TSPAN2: variants seen among roughly 807,000 people sequenced by gnomAD.
The protein encoded by TSPAN2 is tetraspanin-2.
TSPAN2 carries 24 observed loss-of-function variants against 33.3 expected under a neutral mutation model. That is an observed-to-expected ratio of 0.72 (90% CI 0.52 to 1.01). The LOEUF is 1.01. TSPAN2 is among the 50% of genes least tolerant of loss of function. The pLI is 0.00. For synonymous variants in TSPAN2, 114 were observed against 104.5 expected, an observed-to-expected ratio of 1.09 and a Z score of -0.56; for missense variants, 278 against 281.3, an observed-to-expected ratio of 0.99 and a Z score of 0.08.
chr1:115,058,975 G>C lies in TSPAN2; in HGVS notation c.352C>G (p.Arg118Gly). The change falls in exon 5 of 8, where the codon CGA becomes GGA. Residue 118 changes from arginine (R) to glycine (G), a missense_variant. Coordinates refer to ENST00000369516, the MANE Select transcript of TSPAN2 (RefSeq NM_005725.6). ...FAFIGKGVAI[R>G]HVQTMYEEAY... is the part of the protein sequence containing the mutation. ...TCTTCATACATGGTCTGAACATGTC[G>C]GATAGCCTGAAGAAATACAAGGAAA... is the stretch of plus-strand genomic sequence containing the variant. 6.2e-7 allele frequency: 1 copy of C among 1,611,552 alleles called. No individual in the cohort carries two copies. The highest frequency in any genetic ancestry group is 1.1e-5 in the South Asian group (1 of 90,440).
At chr1:115,052,025 G>T (rs1675328939) in intron 7 of TSPAN2, among the ~76,000 whole-genome samples, 1 of 152,144 alleles carries the variant, frequency 6.6e-6, no homozygotes, top group Non-Finnish European at 1.5e-5. Flanking sequence ...CTGCCGACAC[G>T]AGTCAGGGGT....
chr1:115,086,858 G>A (rs964167376), intron 1 of TSPAN2, among the ~76,000 whole-genome samples: 1 of 152,150 alleles, frequency 6.6e-6, no homozygotes, highest in Admixed American at 6.5e-5. Flanking sequence ...TTAGATTGCT[G>A]GATCCTACCC....
chr1:115,062,199 A>T lies in TSPAN2; in HGVS notation c.206T>A (p.Met69Lys), dbSNP rs767351788. ...LYVLVGAGAL[M>K]MAVGFFGCCG... ...GCACCCGAAGAACCCCACGGCCATC[A>T]TCAGGGCCCCGGCTCCAACCAGAAC... is the stretch of plus-strand genomic sequence containing the variant. The change falls in exon 3 of 8, where the codon ATG (methionine) becomes AAG (lysine). Residue 69 changes from methionine to lysine, a missense_variant. Transcript: ENST00000369516. 1.3e-6 allele frequency: 2 copies of T among 1,599,116 alleles called. No homozygotes were observed. Among genetic ancestry groups the T allele is most frequent in the South Asian group, 1.1e-5 (1 of 88,534 alleles).
intron 2 of TSPAN2, among the ~76,000 whole-genome samples, chr1:115,064,543 C>G (rs1647863783): frequency 6.6e-6 from 1 of 152,188 alleles, no homozygotes; most frequent in Admixed American, 6.5e-5. Flanking sequence ...TGCAGGTTCT[C>G]ATATTAGTCT....
chr1:115,062,058 C>A, intron 3 of TSPAN2, 77 bp downstream of exon 3: 2 of 1,288,558 alleles, frequency 1.6e-6, no homozygotes, highest in East Asian at 2.6e-5. Context: ...GAGCCAGGGG[C>A]CAGAGGCACT....
chr1:115,069,638 C>G (rs537876245), intron 2 of TSPAN2, among the ~76,000 whole-genome samples: 1 of 152,346 alleles, frequency 6.6e-6, no homozygotes, highest in South Asian at 2.1e-4. Context: ...CAGTATTAAC[C>G]CTTGACCTTT....
rs1164235223 is a variant in TSPAN2 at position 115,058,878 on chromosome 1, C to T, written c.444+5G>A. On this transcript the variant is annotated splice_donor_5th_base_variant and intron_variant, in intron 5 of 7. Transcript: ENST00000369516. ...TGATTTTAAGGAAGAAGTGAAGTTA[C>T]TCACTGTTGAGTGGAAGGTGATGAG... is the stretch of plus-strand genomic sequence containing the variant. The T allele has an allele frequency of 6.2e-7, 1 of 1,600,780 alleles. No homozygotes were observed. Among genetic ancestry groups the T allele is most frequent in the African/African-American group, 1.3e-5 (1 of 74,552 alleles).
At chr1:115,064,327 C>T (rs1196159505) in intron 2 of TSPAN2, among the ~76,000 whole-genome samples, 1 of 152,230 alleles carries the variant, frequency 6.6e-6, no homozygotes. Context: ...CATGGAATGT[C>T]TCCTGGTGGA....
At chr1:115,075,042 C>A (rs1416491042) in intron 1 of TSPAN2, among the ~76,000 whole-genome samples, 1 of 152,170 alleles carries the variant, frequency 6.6e-6, no homozygotes. Flanking sequence ...AGCCACCGAG[C>A]AGACTGTGGA....
At chr1:115,076,533 C>T (rs1648419379) in intron 1 of TSPAN2, among the ~76,000 whole-genome samples, 1 of 152,164 alleles carries the variant, frequency 6.6e-6, no homozygotes, top group African/African-American at 2.4e-5. Context: ...ACGTGGAGAG[C>T]TGTGAGAACT....
chr1:115,089,238 C>T (rs1648960585), intron 1 of TSPAN2, 126 bp downstream of exon 1: 1 of 694,196 alleles, frequency 1.4e-6, no homozygotes, highest in African/African-American at 1.9e-5. Flanking sequence ...CTCGCCTCCG[C>T]GTTTGAGCAC....
At chr1:115,062,639 C>T (rs1461425025) in intron 2 of TSPAN2, among the ~76,000 whole-genome samples, 1 of 152,232 alleles carries the variant, frequency 6.6e-6, no homozygotes, top group Non-Finnish European at 1.5e-5. Flanking sequence ...TTTGTATTTC[C>T]TTCTCTGATC....
intron 1 of TSPAN2, among the ~76,000 whole-genome samples, chr1:115,079,291 T>C (rs935322935): frequency 6.6e-6 from 1 of 152,224 alleles, no homozygotes; most frequent in Non-Finnish European, 1.5e-5. Flanking sequence ...TTGGAAATGA[T>C]GCTTCAACCC....
chr1:115,088,701 A>G (rs1648934047), intron 1 of TSPAN2, among the ~76,000 whole-genome samples: 1 of 152,044 alleles, frequency 6.6e-6, no homozygotes, highest in South Asian at 2.1e-4. Context: ...GGTTGTGGAG[A>G]GCTGCTGCTG....
intron 2 of TSPAN2, among the ~76,000 whole-genome samples, chr1:115,064,272 G>A (rs1447714657): frequency 6.6e-6 from 1 of 152,316 alleles, no homozygotes; most frequent in East Asian, 1.9e-4. Context: ...CCACAGAAGC[G>A]AGCTGAATGC....
At chr1:115,064,878 C>T (rs1365744353) in intron 2 of TSPAN2, among the ~76,000 whole-genome samples, 1 of 152,186 alleles carries the variant, frequency 6.6e-6, no homozygotes, top group Non-Finnish European at 1.5e-5. Flanking sequence ...TGGACAGGGG[C>T]ACAGAGGTTT....
At chr1:115,064,357 G>A (rs1557879349) in intron 2 of TSPAN2, among the ~76,000 whole-genome samples, 2 of 152,196 alleles carry the variant, frequency 1.3e-5, no homozygotes, top group Admixed American at 6.5e-5. Flanking sequence ...TGCAGAACAT[G>A]CCCATTGCCT....
At chr1:115,074,201 C>G (rs922237807) in intron 1 of TSPAN2, among the ~76,000 whole-genome samples, 3 of 152,102 alleles carry the variant, frequency 2.0e-5, no homozygotes, top group African/African-American at 4.8e-5. Context: ...AAGCAGAGGT[C>G]TAAAAGGAAA....
intron 1 of TSPAN2, 139 bp from the exon 2 acceptor site, chr1:115,073,146 G>A: frequency 2.8e-6 from 2 of 706,938 alleles, no homozygotes; most frequent in South Asian, 3.3e-5. Context: ...TTATAGGGGA[G>A]AAAATGAAGG....
Sources: gnomAD v4.1 joint callset for allele counts (sites outside exome capture counted in the v4.1 genomes callset) on GRCh38, gnomAD v4.1.1 for gene constraint, MANE v1.5 for transcripts, NCBI Gene and HGNC (gene_info 2026-07-23, HGNC 2026-07-21) for gene names.